Variants in TCF19 observed in about 807,000 individuals in gnomAD.
TCF19 encodes the protein transcription factor 19.
In TCF19, 9 loss-of-function variants were observed where a neutral mutation model predicts 18.3. That is an observed-to-expected ratio of 0.49 (90% confidence interval 0.30 to 0.86). TCF19 has a LOEUF of 0.86. Ranked by LOEUF, TCF19 falls within the 40% of genes least tolerant of loss-of-function variation. The probability of loss-of-function intolerance (pLI) is 0.07; values close to 1 mark genes in which losing one functional copy is unlikely to be tolerated. For synonymous variants in TCF19, 176 were observed against 185.3 expected, an observed-to-expected ratio of 0.95 and a Z score of 0.41; for missense variants, 376 against 464.3, an observed-to-expected ratio of 0.81 and a Z score of 1.75.
rs968806332 is a variant in TCF19, at chr6:31,162,196, G to A, written c.797+191G>A. On this transcript the variant is annotated intron_variant, in intron 3 of 3. Transcript: ENST00000376257. The surrounding 1 kb of genome is among the most constrained non-coding windows in gnomAD (Gnocchi z 4.5). Reference sequence around the variant, plus strand: ...CAGGAGAACATGAGAGGTGGGGTGGGGCAGTGCTTATAAAACAACCGGAGT... The same window carrying A: ...CAGGAGAACATGAGAGGTGGGGTGGAGCAGTGCTTATAAAACAACCGGAGT... Among the ~76,000 whole-genome samples, 1 of 152,160 alleles carries A rather than the reference G, an allele frequency of 6.6e-6. No homozygotes were observed. Among genetic ancestry groups the A allele is most frequent in the Non-Finnish European group, 1.5e-5 (1 of 68,022 alleles).
chr6:31,161,870 G>A lies in TCF19; in HGVS notation c.662G>A (p.Arg221His), dbSNP rs773718194. ...MGTTPSAPPQRNRRKSVHRVL... is the reference protein window; with the variant it reads ...MGTTPSAPPQHNRRKSVHRVL... ...ACCACGCCTTCTGCTCCACCACAAC[G>A]CAATCGGAGGAAATCTGTTCACCGA... Residue 221 changes from arginine (R) to histidine (H), a missense_variant, in exon 3 of 4, where the codon CGC becomes CAC. Transcript: ENST00000376257. 7.0e-5 allele frequency: 113 copies of A among 1,612,924 alleles called. No homozygotes were observed. The highest frequency in any genetic ancestry group is 5.8e-4 in the Admixed American group (35 of 60,018).
In TCF19 at chr6:31,162,680, TC is replaced by T; in HGVS notation, c.1003del (p.Arg335AspfsTer25). The T allele has an allele frequency of 6.2e-7, 1 of 1,612,506 alleles. No homozygotes were observed. ...ATCCAGGCTGCCAGGGAGGCCGACT[TC>T]CGATGCCCAGGGTGCCGGGCTGGCA... ...CSIQAAREAD[F>X]RCPGCRAGIQ... On this transcript the variant is annotated frameshift_variant, in exon 4 of 4. Coordinates refer to ENST00000376257, the MANE Select transcript of TCF19 (RefSeq NM_007109.3). LOFTEE classifies it low-confidence loss of function (END_TRUNC). This position sits in a 1 kb window ranked among gnomAD's most constrained non-coding sequence, Gnocchi z 4.5.
Position 31,162,885 on chromosome 6 carries a change from T to C in TCF19, c.*168T>C. 2 of 1,423,810 alleles carry C rather than the reference T, an allele frequency of 1.4e-6. No homozygotes were observed. The highest frequency in any genetic ancestry group is 1.5e-5 in the South Asian group (1 of 65,668). 88.2% of individuals were successfully genotyped at this position (1,423,810 alleles called of 1,614,324 possible). Reference sequence around the variant, plus strand: ...ATTCAGGGCCTGGAGCAGACCCTGGTGGCCAAGACAGAAGAGATGGTTTCC... The same window carrying C: ...ATTCAGGGCCTGGAGCAGACCCTGGCGGCCAAGACAGAAGAGATGGTTTCC... On this transcript the variant is annotated 3_prime_UTR_variant, in exon 4 of 4. Transcript: ENST00000376257. This position sits in a 1 kb window ranked among gnomAD's most constrained non-coding sequence, Gnocchi z 4.5.
At position 31,163,037 on chromosome 6, in the gene TCF19, G is replaced by A; in HGVS notation, c.*320G>A. The stretch of plus-strand genomic sequence containing the variant: ...GTCAGAGCACCTATCAGTTGCAAAA[G>A]CCATGCCTGCAACCGATGGAAAATG... On this transcript the variant is annotated 3_prime_UTR_variant, in exon 4 of 4. Coordinates refer to ENST00000376257, the MANE Select transcript of TCF19 (RefSeq NM_007109.3). The A allele has an allele frequency of 1.7e-6, 2 of 1,202,336 alleles. No homozygotes were observed. The highest frequency in any genetic ancestry group is 2.1e-6 in the Non-Finnish European group (2 of 966,258). 74.5% of individuals were successfully genotyped at this position (1,202,336 alleles called of 1,614,324 possible).
chr6:31,163,425 G>A lies in TCF19; in HGVS notation c.*708G>A, dbSNP rs1260930242. ...TGGAGGTAGGAATACAGGTAATTAA[G>A]GTTTCTAGTTTAAGGGAAAACAGAT... On this transcript the variant is annotated 3_prime_UTR_variant, in exon 4 of 4. Transcript: ENST00000376257. The A allele has an allele frequency of 6.1e-6, 6 of 985,406 alleles. No individual in the cohort carries two copies. The highest frequency in any genetic ancestry group is 7.2e-6 in the Non-Finnish European group (6 of 829,922). The allele number at this position is 985,406 out of a possible 1,614,324, so 61.0% of individuals were successfully genotyped here. A position where few individuals can be genotyped will look rare whatever the true frequency, so the allele number is the denominator to read the frequency against.
Position 31,159,580 on chromosome 6 carries a change from C to G in TCF19, c.111C>G (p.Ala37=). ...AGCTYRLGHR[A]DLCDVALRPQ... ...GCACCTATCGCTTGGGCCACAGGGC[C>G]GACCTGTGTGATGTGGCCCTGCGGC... The change falls in exon 2 of 4, where the codon GCC becomes GCG. Residue 37 remains alanine, a synonymous_variant. Transcript: ENST00000376257. 1 of 1,612,822 alleles carries G rather than the reference C, an allele frequency of 6.2e-7. No individual in the cohort carries two copies. The highest frequency in any genetic ancestry group is 8.5e-7 in the Non-Finnish European group (1 of 1,179,892).
chr6:31,161,846 C>A lies in TCF19; in HGVS notation c.638C>A (p.Thr213Asn). 6.2e-7 allele frequency: 1 copy of A among 1,613,036 alleles called. No homozygotes were observed. The highest frequency in any genetic ancestry group is 1.7e-4 in the Middle Eastern group (1 of 6,060). ...CCCGCCCCACCTGGGGAAATGGGGACCACGCCTTCTGCTCCACCACAACGC... is the reference window on the plus strand; with the variant it reads ...CCCGCCCCACCTGGGGAAATGGGGAACACGCCTTCTGCTCCACCACAACGC... ...PVPAPPGEMG[T>N]TPSAPPQRNR... The change falls in exon 3 of 4, where the codon ACC becomes AAC. Residue 213 changes from threonine (T) to asparagine (N), a missense_variant. Coordinates refer to ENST00000376257, the MANE Select transcript of TCF19 (RefSeq NM_007109.3).
At position 31,164,138 on chromosome 6, in the gene TCF19, CA is replaced by C; in HGVS notation, c.*1425del. On this transcript the variant is annotated 3_prime_UTR_variant, in exon 4 of 4. Coordinates refer to ENST00000376257, the MANE Select transcript of TCF19 (RefSeq NM_007109.3). ...GCTACATGGTGACTGAGTCTATGGG[CA>C]AAAGTTCTTGCATCACAGGCTTTTG... 4.6e-6 allele frequency: 5 copies of C among 1,079,374 alleles called. No homozygotes were observed. The highest frequency in any genetic ancestry group is 5.6e-6 in the Non-Finnish European group (5 of 886,778). The allele number at this position is 1,079,374 out of a possible 1,614,324, so 66.9% of individuals were successfully genotyped here.
Position 31,159,173 on chromosome 6 carries a change from G to A in TCF19, c.-297G>A. ...AGGCTCCCCAAATATTTTGCGATCT[G>A]AGGATCCAGCTCAAGTGAGGTGCCA... is the stretch of plus-strand genomic sequence containing the variant. On this transcript the variant is annotated 5_prime_UTR_variant, in exon 2 of 4. Transcript: ENST00000376257. The A allele has an allele frequency of 4.7e-6, 2 of 423,794 alleles. No homozygotes were observed. Among genetic ancestry groups the A allele is most frequent in the Non-Finnish European group, 8.4e-6 (2 of 238,070 alleles). The allele number at this position is 423,794 out of a possible 1,614,324, so 26.3% of individuals were successfully genotyped here. A position where few individuals can be genotyped will look rare whatever the true frequency, so the allele number is the denominator to read the frequency against.
Position 31,159,343 on chromosome 6 carries a change from C to T in TCF19, c.-127C>T, listed in dbSNP as rs1582003071. The T allele has an allele frequency of 1.2e-6, 1 of 862,658 alleles. No individual in the cohort carries two copies. The highest frequency in any genetic ancestry group is 2.7e-5 in the East Asian group (1 of 37,166). 53.4% of individuals were successfully genotyped at this position (862,658 alleles called of 1,614,324 possible). ...CAGGTAGTGTGCTCAAAGTTGAAAC[C>T]GCATACAGCACAACTCAAGTTTGCA... On this transcript the variant is annotated 5_prime_UTR_variant, in exon 2 of 4. Coordinates refer to ENST00000376257, the MANE Select transcript of TCF19 (RefSeq NM_007109.3).
chr6:31,163,202 GCTTTT>G lies in TCF19; in HGVS notation c.*486_*490del, dbSNP rs1176704519. ...TAGCGACCTGGCTTTTCACAGCTTTGCTTTTATTTCCAAGTCAAGGACAAGCCGCT... is the reference window on the plus strand; with the variant it reads ...TAGCGACCTGGCTTTTCACAGCTTTGATTTCCAAGTCAAGGACAAGCCGCT... On this transcript the variant is annotated 3_prime_UTR_variant, in exon 4 of 4. Coordinates refer to ENST00000376257, the MANE Select transcript of TCF19 (RefSeq NM_007109.3). 3.0e-6 allele frequency: 3 copies of G among 996,152 alleles called. No homozygotes were observed. The highest frequency in any genetic ancestry group is 3.6e-6 in the Non-Finnish European group (3 of 836,358). 61.7% of individuals were successfully genotyped at this position (996,152 alleles called of 1,614,324 possible). A position where few individuals can be genotyped will look rare whatever the true frequency, so the allele number is the denominator to read the frequency against.
rs1206409671 is a variant in TCF19, at chr6:31,159,078, C to T, written c.-392C>T. ...CACGTAGACGTGTGTATAACAGGAC[C>T]TCCTTCCCCGCGCCCCGCCACCCCG... is the stretch of plus-strand genomic sequence containing the variant. On this transcript the variant is annotated 5_prime_UTR_variant, in exon 2 of 4. Transcript: ENST00000376257. 3 of 257,898 alleles carry T rather than the reference C, an allele frequency of 1.2e-5. No homozygotes were observed. The highest frequency in any genetic ancestry group is 2.2e-5 in the African/African-American group (1 of 44,870). The allele number at this position is 257,898 out of a possible 1,614,324, so 16.0% of individuals were successfully genotyped here.
rs9263794 is a variant in TCF19, at chr6:31,162,242, A to G, written c.798-235A>G. ...GGAGTGAGCATGTCCTGCTTTTTAC[A>G]TTCATATGGCTTTAACCCCATTCTT... On this transcript the variant is annotated intron_variant, in intron 3 of 3. Coordinates refer to ENST00000376257, the MANE Select transcript of TCF19 (RefSeq NM_007109.3). The surrounding 1 kb of genome is among the most constrained non-coding windows in gnomAD (Gnocchi z 4.5). 0.15 allele frequency among the ~76,000 whole-genome samples: 22,789 copies of G among 152,106 alleles called. 1,802 individuals carry two copies. The highest frequency in any genetic ancestry group is 0.16 in the African/African-American group (6,780 of 41,450).
At position 31,161,693 on chromosome 6, in the gene TCF19, C is replaced by T. The variant is rs1776790161; in HGVS notation, c.485C>T (p.Pro162Leu). The T allele has an allele frequency of 2.0e-6, 3 of 1,532,982 alleles. No individual in the cohort carries two copies. Among genetic ancestry groups the T allele is most frequent in the South Asian group, 1.3e-5 (1 of 77,684 alleles). 95.0% of individuals were successfully genotyped at this position (1,532,982 alleles called of 1,614,324 possible). The change falls in exon 3 of 4, where the codon CCT becomes CTT. Residue 162 changes from proline (P) to leucine (L), a missense_variant. Transcript: ENST00000376257. ...MLPSQGAPQRPLSTFSPAPKA... is the reference protein window; with the variant it reads ...MLPSQGAPQRLLSTFSPAPKA... ...CCCTCCCAGGGGGCTCCACAGCGGC[C>T]TCTCAGCACCTTCTCCCCTGCCCCC... is the stretch of plus-strand genomic sequence containing the variant.
intron 2 of TCF19, among the ~76,000 whole-genome samples, chr6:31,159,917 A>G (rs74633760): frequency 0.086 from 13,112 of 152,242 alleles, 670 homozygotes; most frequent in Middle Eastern, 0.16. Flanking sequence ...TTTAGCTCAT[A>G]CAGGACCTGG....
Position 31,163,539 on chromosome 6 carries a change from G to T in TCF19, c.*822G>T. The T allele has an allele frequency of 1.0e-6, 1 of 985,444 alleles. No individual in the cohort carries two copies. Among genetic ancestry groups the T allele is most frequent in the Non-Finnish European group, 1.2e-6 (1 of 829,928 alleles). The allele number at this position is 985,444 out of a possible 1,614,324, so 61.0% of individuals were successfully genotyped here. A position where few individuals can be genotyped will look rare whatever the true frequency, so the allele number is the denominator to read the frequency against. On this transcript the variant is annotated 3_prime_UTR_variant, in exon 4 of 4. Coordinates refer to ENST00000376257, the MANE Select transcript of TCF19 (RefSeq NM_007109.3). ...TTTACAGGCTTCACCTGTACTGTCA[G>T]GGCAAGAGAAAGCCTGGTAAACCAG...
chr6:31,162,682 C>G lies in TCF19; in HGVS notation c.1003C>G (p.Arg335Gly). ...SIQAAREADF[R>G]CPGCRAGIQT is the part of the protein sequence containing the mutation. The stretch of plus-strand genomic sequence containing the variant: ...CCAGGCTGCCAGGGAGGCCGACTTC[C>G]GATGCCCAGGGTGCCGGGCTGGCAT... Residue 335 changes from arginine to glycine, a missense_variant, in exon 4 of 4, where the codon CGA becomes GGA. Physicochemically the swap from Arg to Gly is moderately radical, Grantham distance 125. Transcript: ENST00000376257. The surrounding 1 kb of genome is among the most constrained non-coding windows in gnomAD (Gnocchi z 4.5). The G allele has an allele frequency of 1.2e-6, 2 of 1,612,418 alleles. No individual in the cohort carries two copies. Among genetic ancestry groups the G allele is most frequent in the South Asian group, 2.2e-5 (2 of 91,070 alleles).
Position 31,162,124 on chromosome 6 carries a change from GA to G in TCF19, c.797+121del, listed in dbSNP as rs1561846251. 2.6e-6 allele frequency: 3 copies of G among 1,148,214 alleles called. No individual in the cohort carries two copies. Among genetic ancestry groups the G allele is most frequent in the African/African-American group, 1.6e-5 (1 of 64,262 alleles). 71.1% of individuals were successfully genotyped at this position (1,148,214 alleles called of 1,614,324 possible). A position where few individuals can be genotyped will look rare whatever the true frequency, so the allele number is the denominator to read the frequency against. Reference sequence around the variant, plus strand: ...ATGGGCACGGGAGGTGGAATAGATGGAATGGCAAGACCTGGGTTAGCTCTGA... The same window carrying G: ...ATGGGCACGGGAGGTGGAATAGATGGATGGCAAGACCTGGGTTAGCTCTGA... On this transcript the variant is annotated intron_variant, in intron 3 of 3. Coordinates refer to ENST00000376257, the MANE Select transcript of TCF19 (RefSeq NM_007109.3). The surrounding 1 kb of genome is among the most constrained non-coding windows in gnomAD (Gnocchi z 4.5).
chr6:31,160,924 G>A (rs1776720315), intron 2 of TCF19, among the ~76,000 whole-genome samples: 1 of 152,146 alleles, frequency 6.6e-6, no homozygotes, highest in Non-Finnish European at 1.5e-5. Flanking sequence ...TTGGGAGGCT[G>A]AGGCGGGCAG....
Sources: allele counts gnomAD v4.1 joint callset (sites outside exome capture counted in the v4.1 genomes callset), GRCh38; gene constraint gnomAD v4.1.1; non-coding constraint Gnocchi (gnomAD v3.1); transcripts MANE v1.5; gene names NCBI Gene and HGNC (gene_info 2026-07-23, HGNC 2026-07-21).